Variants in CD28 observed in about 807,000 individuals in gnomAD.
CD28 encodes the protein CD28 molecule, also known as T-cell-specific surface glycoprotein CD28.
CD28 carries 8 observed loss-of-function variants against 21.4 expected under a neutral mutation model. That is an observed-to-expected ratio of 0.37 (90% CI 0.22 to 0.68). The LOEUF (loss-of-function observed/expected upper bound fraction) is 0.68, where lower values mean the gene tolerates loss of function less well. Among genes scored for constraint, CD28 ranks in the 30% least tolerant of loss-of-function variants. CD28 has a pLI of 0.55. For synonymous variants in CD28, 106 were observed against 104.0 expected (o/e 1.02, Z -0.12); for missense variants, 239 against 272.2 (o/e 0.88, Z 0.86).
rs13425925 is a variant in CD28, at chr2:203,712,806, A to G, written c.52+6058A>G. Among the ~76,000 whole-genome samples the G allele has an allele frequency of 4.5e-3, 681 of 152,330 alleles. 5 individuals carry two copies. The highest frequency in any genetic ancestry group is 0.015 in the African/African-American group (638 of 41,576). On this transcript the variant is annotated intron_variant, in intron 1 of 3. Coordinates refer to ENST00000324106, the MANE Select transcript of CD28 (RefSeq NM_006139.4). Reference sequence around the variant, plus strand: ...AAGATTTGAATGAACGTTGTTATTAATAATAATTGCTAGCTAACATTTATT... The same window carrying G: ...AAGATTTGAATGAACGTTGTTATTAGTAATAATTGCTAGCTAACATTTATT...
intron 1 of CD28, among the ~76,000 whole-genome samples, chr2:203,718,000 A>G (rs1489332700): frequency 6.6e-6 from 1 of 152,166 alleles, no homozygotes; most frequent in Admixed American, 6.5e-5. Flanking sequence ...TTTTAACATG[A>G]ATTTCTGGGA....
rs1361559359 is a variant in CD28, at chr2:203,726,888, A to G, written c.308A>G (p.Tyr103Cys). ...GTGACATTCTACCTCCAGAATTTGTATGTTAACCAAACAGATATTTACTTC... is the reference window on the plus strand; with the variant it reads ...GTGACATTCTACCTCCAGAATTTGTGTGTTAACCAAACAGATATTTACTTC... ...ESVTFYLQNL[Y>C]VNQTDIYFCK... Residue 103 changes from tyrosine to cysteine, a missense_variant, in exon 2 of 4, where the codon TAT becomes TGT. Tyr to Cys is a radical substitution (Grantham distance 194). This residue lies in a region of CD28 where 23 missense variants were observed against 50.9 expected (regional missense o/e 0.45). Transcript: ENST00000324106. The G allele has an allele frequency of 4.3e-6, 7 of 1,613,802 alleles. No homozygotes were observed. Among genetic ancestry groups the G allele is most frequent in the Non-Finnish European group, 5.9e-6 (7 of 1,179,780 alleles).
intron 3 of CD28, among the ~76,000 whole-genome samples, chr2:203,734,136 A>G (rs1693964754): frequency 6.6e-6 from 1 of 152,184 alleles, no homozygotes; most frequent in Non-Finnish European, 1.5e-5. Flanking sequence ...GATGTTCCTA[A>G]CCCTTAGTCA....
intron 1 of CD28, among the ~76,000 whole-genome samples, chr2:203,711,414 G>A (rs982030751): frequency 3.3e-5 from 5 of 152,180 alleles, no homozygotes; most frequent in African/African-American, 9.7e-5. Context: ...ATTTAGTCTC[G>A]TGTCACCATG....
intron 3 of CD28, among the ~76,000 whole-genome samples, chr2:203,731,400 C>T (rs1011517192): frequency 1.3e-5 from 2 of 152,172 alleles, no homozygotes; most frequent in African/African-American, 2.4e-5. Flanking sequence ...TTTATGCCTA[C>T]CATATGGCTT....
At chr2:203,712,200 C>CAAAAAAAA (rs3835894) in intron 1 of CD28, among the ~76,000 whole-genome samples, 1 of 150,890 alleles carries the variant, frequency 6.6e-6, no homozygotes, top group African/African-American at 2.4e-5. Flanking sequence ...TCAACAACAA[C>CAAAAAAAA]AAAAAAAAGA....
At chr2:203,719,160 C>T (rs920880320) in intron 1 of CD28, among the ~76,000 whole-genome samples, 1 of 152,200 alleles carries the variant, frequency 6.6e-6, no homozygotes, top group Admixed American at 6.5e-5. Flanking sequence ...TAAAACATTA[C>T]TCCTAGATGT....
intron 3 of CD28, 48 bp downstream of exon 3, chr2:203,729,820 A>T: frequency 6.3e-7 from 1 of 1,587,548 alleles, no homozygotes; most frequent in African/African-American, 1.4e-5. Flanking sequence ...CTGCACATGA[A>T]ATCTGAACAC....
intron 1 of CD28, among the ~76,000 whole-genome samples, chr2:203,716,466 A>G (rs1184900870): frequency 6.6e-6 from 1 of 152,184 alleles, no homozygotes; most frequent in Non-Finnish European, 1.5e-5. Flanking sequence ...AGAATCAAGT[A>G]CATTAAGTCC....
chr2:203,706,846 C>A, intron 1 of CD28, 98 bp downstream of exon 1: 1 of 945,530 alleles, frequency 1.1e-6, no homozygotes, highest in Non-Finnish European at 1.7e-6. Context: ...GAAATTTGAA[C>A]ATTTGAAGTG....
In CD28 at chr2:203,706,654, C is replaced by T. The variant is rs764907931; in HGVS notation, c.-43C>T. On this transcript the variant is annotated 5_prime_UTR_variant, in exon 1 of 4. Transcript: ENST00000324106. ...AGTTCCCCTCACACTTCGGGTTCCT[C>T]GGGGAGGAGGGGCTGGAACCCTAGC... 1.4e-5 allele frequency: 23 copies of T among 1,613,724 alleles called. No individual in the cohort carries two copies. The highest frequency in any genetic ancestry group is 4.0e-5 in the African/African-American group (3 of 74,856).
chr2:203,715,276 T>C (rs917238117), intron 1 of CD28, among the ~76,000 whole-genome samples: 1 of 152,228 alleles, frequency 6.6e-6, no homozygotes, highest in Non-Finnish European at 1.5e-5. Flanking sequence ...TATAATTCCC[T>C]GGTTACCTCC....
chr2:203,708,499 G>C (rs1013013969), intron 1 of CD28, among the ~76,000 whole-genome samples: 1 of 152,286 alleles, frequency 6.6e-6, no homozygotes, highest in East Asian at 1.9e-4. Flanking sequence ...ATACTTTTCT[G>C]ATGTGCTTTG....
At chr2:203,732,407 C>T (rs947809359) in intron 3 of CD28, among the ~76,000 whole-genome samples, 1 of 152,166 alleles carries the variant, frequency 6.6e-6, no homozygotes, top group African/African-American at 2.4e-5. Context: ...GTAAAGCTGC[C>T]CGTTTTCCTA....
intron 3 of CD28, among the ~76,000 whole-genome samples, chr2:203,733,163 T>C (rs1175880499): frequency 6.6e-6 from 1 of 152,194 alleles, no homozygotes; most frequent in African/African-American, 2.4e-5. Context: ...ACAGCTCTAG[T>C]CTTTCATTTA....
intron 1 of CD28, among the ~76,000 whole-genome samples, chr2:203,707,760 G>A (rs1021480208): frequency 6.6e-6 from 1 of 152,046 alleles, no homozygotes; most frequent in Non-Finnish European, 1.5e-5. Context: ...TAGGAGGCAG[G>A]GTCTGAACCA....
chr2:203,734,295 C>T (rs1693969583), intron 3 of CD28, among the ~76,000 whole-genome samples: 1 of 152,156 alleles, frequency 6.6e-6, no homozygotes, highest in South Asian at 2.1e-4. Context: ...TACTAGTTGT[C>T]TAGAACTGTA....
chr2:203,723,845 AG>A (rs1215695274), intron 1 of CD28, among the ~76,000 whole-genome samples: 1 of 152,272 alleles, frequency 6.6e-6, no homozygotes, highest in Non-Finnish European at 1.5e-5. Context: ...TTCCTCAAAA[AG>A]TTAAACATAG....
chr2:203,711,694 C>CACA (rs1202383345), intron 1 of CD28, among the ~76,000 whole-genome samples: 1 of 152,188 alleles, frequency 6.6e-6, no homozygotes, highest in Non-Finnish European at 1.5e-5. Flanking sequence ...TGAATCACCT[C>CACA]ATTGGCTCAC....
Sources: allele counts gnomAD v4.1 joint callset (sites outside exome capture counted in the v4.1 genomes callset), GRCh38; gene constraint gnomAD v4.1.1; regional missense constraint gnomAD v4.1.1; transcripts MANE v1.5; gene names NCBI Gene and HGNC (gene_info 2026-07-23, HGNC 2026-07-21).